Variants in MYO5B observed in about 807,000 individuals in gnomAD.
The protein encoded by MYO5B is unconventional myosin-Vb.
In MYO5B, 143 loss-of-function variants were observed where a neutral mutation model predicts 229.3. The ratio of observed to expected loss-of-function variants is 0.62; its 90% CI spans 0.54 to 0.72. MYO5B has a LOEUF of 0.72. Ranked by LOEUF, MYO5B falls within the 30% of genes least tolerant of loss-of-function variation. MYO5B has a pLI of 0.00. For synonymous variants in MYO5B, 918 were observed against 885.2 expected, an observed-to-expected ratio of 1.04 and a Z score of -0.66; for missense variants, 2,321 against 2,331.0, an observed-to-expected ratio of 1.00 and a Z score of 0.09.
intron 1 of MYO5B, among the ~76,000 whole-genome samples, chr18:50,180,593 A>G (rs1276342785): frequency 6.6e-6 from 1 of 152,208 alleles, no homozygotes; most frequent in Non-Finnish European, 1.5e-5. Flanking sequence ...TGTACAGTTC[A>G]GTGGCATCAA....
At chr18:50,073,623 C>A (rs1455894849) in intron 1 of MYO5B, among the ~76,000 whole-genome samples, 1 of 152,020 alleles carries the variant, frequency 6.6e-6, no homozygotes, top group African/African-American at 2.4e-5. Flanking sequence ...TGCAGCTGAG[C>A]CCCCACTTTC....
chr18:50,005,792 C>A (rs1310630284), intron 4 of MYO5B, among the ~76,000 whole-genome samples: 3 of 152,200 alleles, frequency 2.0e-5, no homozygotes, highest in Admixed American at 6.5e-5. Flanking sequence ...CACTTTCCCA[C>A]CACTGCCGTT....
At chr18:49,936,941 A>G (rs2025257092) in intron 15 of MYO5B, among the ~76,000 whole-genome samples, 1 of 152,032 alleles carries the variant, frequency 6.6e-6, no homozygotes, top group Non-Finnish European at 1.5e-5. Flanking sequence ...TCTAACCTAT[A>G]AATTCCAGGC....
intron 1 of MYO5B, among the ~76,000 whole-genome samples, chr18:50,122,862 T>A (rs963387852): frequency 5.9e-5 from 9 of 151,768 alleles, no homozygotes; most frequent in African/African-American, 2.2e-4. Context: ...AGACATCGAC[T>A]GCTGATGTGA....
In MYO5B at chr18:49,892,026, G is replaced by T. The variant is rs929602525; in HGVS notation, c.3045+2915C>A. On this transcript the variant is annotated intron_variant, in intron 22 of 39. Coordinates refer to ENST00000285039, the MANE Select transcript of MYO5B (RefSeq NM_001080467.3). ...GTAAGCCTTGCTCTGGTCCCATTGA[G>T]CAGCCTTCAGAGCAGATTCTGAATA... 4.1e-4 allele frequency among the ~76,000 whole-genome samples: 62 copies of T among 152,064 alleles called. 1 individual carries two copies. Among genetic ancestry groups the T allele is most frequent in the Non-Finnish European group, 4.4e-5 (3 of 68,024 alleles).
intron 32 of MYO5B, among the ~76,000 whole-genome samples, chr18:49,848,708 T>C (rs1044694828): frequency 2.6e-5 from 4 of 151,808 alleles, no homozygotes; most frequent in Non-Finnish European, 5.9e-5. Context: ...GTGATAGGTC[T>C]TTAGGAGTAA....
chr18:49,974,221 C>T, intron 10 of MYO5B, 129 bp downstream of exon 10: 3 of 1,349,872 alleles, frequency 2.2e-6, no homozygotes, highest in Non-Finnish European at 2.1e-6. Flanking sequence ...CTAAAAATGG[C>T]CCCACACATT....
chr18:49,936,674 C>T (rs938703975), intron 15 of MYO5B, among the ~76,000 whole-genome samples: 1 of 152,124 alleles, frequency 6.6e-6, no homozygotes, highest in Non-Finnish European at 1.5e-5. Flanking sequence ...CACTGTGCAC[C>T]GGAAGCCTGC....
At chr18:49,900,926 T>A (rs1204717965) in intron 21 of MYO5B, among the ~76,000 whole-genome samples, 1 of 152,242 alleles carries the variant, frequency 6.6e-6, no homozygotes, top group African/African-American at 2.4e-5. Context: ...GCCCCCATTA[T>A]GGCTGTGGGA....
At chr18:50,141,870 C>T (rs1428286554) in intron 1 of MYO5B, among the ~76,000 whole-genome samples, 1 of 152,168 alleles carries the variant, frequency 6.6e-6, no homozygotes, top group Admixed American at 6.5e-5. Context: ...CCTGCCTCAC[C>T]TCTCTCTAAA....
At chr18:49,872,093 T>G in intron 27 of MYO5B, 74 bp downstream of exon 27, 1 of 1,430,656 alleles carries the variant, frequency 7.0e-7, no homozygotes, top group Non-Finnish European at 9.9e-7. Context: ...GGGCCTGATT[T>G]CCTGATGCCC....
chr18:50,188,785 T>TAAAAA lies in MYO5B; in HGVS notation c.27+5977_27+5981dup, dbSNP rs4042094. 1.9e-3 allele frequency among the ~76,000 whole-genome samples: 200 copies of TAAAAA among 105,086 alleles called. 2 individuals carry two copies. Among genetic ancestry groups the TAAAAA allele is most frequent in the Non-Finnish European group, 2.4e-3 (131 of 53,902 alleles). 68.9% of individuals were successfully genotyped at this position (105,086 alleles called of 152,430 possible). On this transcript the variant is annotated intron_variant, in intron 1 of 39. Coordinates refer to ENST00000285039, the MANE Select transcript of MYO5B (RefSeq NM_001080467.3). ...CTGGTGACACAGTGAGACTCTGTCA[T>TAAAAA]AAAAAAAAAAAAAAAAAAAAAAAAA... is the stretch of plus-strand genomic sequence containing the variant.
At chr18:49,891,726 T>A (rs981739589) in intron 22 of MYO5B, among the ~76,000 whole-genome samples, 2 of 152,138 alleles carry the variant, frequency 1.3e-5, no homozygotes, top group African/African-American at 4.8e-5. Context: ...CTCAACACAC[T>A]CTGCTATGAG....
intron 1 of MYO5B, chr18:50,063,731 C>T (rs1598992042): frequency 6.6e-6 from 1 of 152,164 alleles, no homozygotes; most frequent in Non-Finnish European, 1.5e-5. Context: ...TCGTATGTAT[C>T]GTATCATCTC....
intron 11 of MYO5B, 104 bp downstream of exon 11, chr18:49,962,845 G>A (rs1358027797): frequency 1.7e-5 from 17 of 977,182 alleles, no homozygotes; most frequent in East Asian, 2.4e-5. Flanking sequence ...ATATCAGAAC[G>A]TAGCCAGGGC....
Position 50,003,824 on chromosome 18 carries a change from G to A in MYO5B, c.456-2413C>T, listed in dbSNP as rs749736604. On this transcript the variant is annotated intron_variant, in intron 4 of 39. Transcript: ENST00000285039. ...TCCTCATCAAAGAACCAGTTAGAAT[G>A]CAGAAGTATATACTATCCCAAGTAC... Among the ~76,000 whole-genome samples the A allele has an allele frequency of 3.0e-4, 45 of 152,196 alleles. 1 individual carries two copies. Among genetic ancestry groups the A allele is most frequent in the Admixed American group, 1.3e-4 (2 of 15,270 alleles).
At chr18:50,050,815 G>C (rs1440195019) in intron 2 of MYO5B, among the ~76,000 whole-genome samples, 5 of 152,180 alleles carry the variant, frequency 3.3e-5, no homozygotes, top group Non-Finnish European at 7.3e-5. Context: ...AAGAGGCTTA[G>C]GTAAAAGGGA....
At chr18:50,166,058 C>A (rs567173812) in intron 1 of MYO5B, among the ~76,000 whole-genome samples, 3 of 152,298 alleles carry the variant, frequency 2.0e-5, no homozygotes, top group Non-Finnish European at 2.9e-5. Context: ...TGTTCCTGTC[C>A]TCCTTTTTCA....
intron 5 of MYO5B, 23 bp from the exon 6 acceptor site, chr18:49,992,454 G>C: frequency 6.2e-7 from 1 of 1,612,992 alleles, no homozygotes; most frequent in Non-Finnish European, 8.5e-7. Flanking sequence ...GACAGACAAA[G>C]GTATGAAAAA....
Sources: gnomAD v4.1 joint callset for allele counts (sites outside exome capture counted in the v4.1 genomes callset) on GRCh38, gnomAD v4.1.1 for gene constraint, MANE v1.5 for transcripts, NCBI Gene and HGNC (gene_info 2026-07-23, HGNC 2026-07-21) for gene names.